Variants in EP300 observed in about 807,000 individuals in gnomAD.
The protein encoded by EP300 is histone acetyltransferase p300.
In EP300, 31 loss-of-function variants were observed where a neutral mutation model predicts 264.0. The ratio of observed to expected loss-of-function variants is 0.12; its 90% CI spans 0.09 to 0.16. The LOEUF (loss-of-function observed/expected upper bound fraction) is 0.16. EP300 is among the 10% of genes least tolerant of loss of function. EP300 has a pLI of 1.00. For synonymous variants in EP300, 1,340 were observed against 1,045.4 expected, an observed-to-expected ratio of 1.28 and a Z score of -5.44; for missense variants, 2,766 against 3,052.9, an observed-to-expected ratio of 0.91 and a Z score of 2.21.
At chr22:41,139,293 A>T (rs1157630960) in intron 8 of EP300, among the ~76,000 whole-genome samples, 1 of 152,214 alleles carries the variant, frequency 6.6e-6, no homozygotes, top group East Asian at 1.9e-4. Context: ...ACGGAATTTG[A>T]CAAGGAAAGA....
intron 4 of EP300, among the ~76,000 whole-genome samples, chr22:41,128,409 C>T (rs896412265): frequency 4.6e-5 from 7 of 151,242 alleles, no homozygotes; most frequent in Non-Finnish European, 7.4e-5. Flanking sequence ...TGGTGTGATT[C>T]GACATCATAC....
chr22:41,157,526 T>TC, intron 18 of EP300, 118 bp downstream of exon 18: 1 of 1,309,758 alleles, frequency 7.6e-7, no homozygotes, highest in Non-Finnish European at 1.1e-6. Context: ...TTTTTTTTTT[T>TC]TTTTTTTTCC....
chr22:41,166,763 A>C (rs904558979), intron 23 of EP300, 97 bp downstream of exon 23: 2 of 736,204 alleles, frequency 2.7e-6, no homozygotes, highest in African/African-American at 3.6e-5. Flanking sequence ...AATCACAGTA[A>C]TAGAGTAAAA....
At chr22:41,129,661 G>A (rs2058905233) in intron 4 of EP300, among the ~76,000 whole-genome samples, 1 of 152,172 alleles carries the variant, frequency 6.6e-6, no homozygotes. Flanking sequence ...ACTGCTTGAG[G>A]TTGAATCTCA....
intron 20 of EP300, among the ~76,000 whole-genome samples, chr22:41,162,175 A>G (rs1208294059): frequency 6.6e-6 from 1 of 152,222 alleles, no homozygotes; most frequent in Non-Finnish European, 1.5e-5. Context: ...AAGACAGGCC[A>G]TTCAGGAAAA....
intron 25 of EP300, 171 bp from the exon 26 acceptor site, chr22:41,169,332 C>T: frequency 1.6e-6 from 1 of 634,668 alleles, no homozygotes; most frequent in Non-Finnish European, 2.8e-6. Context: ...CACTGAACTT[C>T]CCTGAAGGGT....
chr22:41,113,661 C>T (rs2058806105), intron 1 of EP300, among the ~76,000 whole-genome samples: 2 of 152,304 alleles, frequency 1.3e-5, no homozygotes, highest in South Asian at 2.1e-4. Context: ...ATTCTCCTGC[C>T]TCAGCCTCCT....
chr22:41,147,254 C>T (rs190680275), intron 11 of EP300, among the ~76,000 whole-genome samples: 3 of 148,156 alleles, frequency 2.0e-5, no homozygotes, highest in East Asian at 4.0e-4. Flanking sequence ...TGCAGTGAGG[C>T]GAGATCGCGC....
At chr22:41,137,512 C>A in intron 7 of EP300, 141 bp from the exon 8 acceptor site, 1 of 1,110,822 alleles carries the variant, frequency 9.0e-7, no homozygotes, top group Non-Finnish European at 1.3e-6. Context: ...TAGTCACACA[C>A]TTCTCCCTGC....
intron 4 of EP300, among the ~76,000 whole-genome samples, chr22:41,129,500 A>G (rs2058904057): frequency 6.6e-6 from 1 of 152,236 alleles, no homozygotes; most frequent in South Asian, 2.1e-4. Context: ...AATTTACTGC[A>G]GTCATTTTTA....
At chr22:41,094,684 C>T (rs2058692471) in intron 1 of EP300, among the ~76,000 whole-genome samples, 2 of 152,148 alleles carry the variant, frequency 1.3e-5, no homozygotes, top group African/African-American at 4.8e-5. Context: ...GAGACTTAAT[C>T]ACCTGTAGAT....
At chr22:41,140,955 AAACT>A (rs1424049185) in intron 9 of EP300, 89 bp from the exon 10 acceptor site, 15 of 1,229,922 alleles carry the variant, frequency 1.2e-5, no homozygotes, top group Non-Finnish European at 1.6e-5. Context: ...ATATAAAATG[AAACT>A]AATATCTATT....
At chr22:41,123,768 T>A (rs2058865339) in intron 2 of EP300, among the ~76,000 whole-genome samples, 1 of 151,748 alleles carries the variant, frequency 6.6e-6, no homozygotes, top group Non-Finnish European at 1.5e-5. Flanking sequence ...TTGTTTGGGA[T>A]ATAAAGTTGA....
At chr22:41,132,703 G>C (rs374107432) in intron 6 of EP300, among the ~76,000 whole-genome samples, 6 of 152,256 alleles carry the variant, frequency 3.9e-5, no homozygotes, top group African/African-American at 1.4e-4. Context: ...AGAAATGAGT[G>C]TAGTTGGTAA....
chr22:41,114,466 A>G (rs2058810681), intron 1 of EP300, among the ~76,000 whole-genome samples: 1 of 152,206 alleles, frequency 6.6e-6, no homozygotes, highest in Non-Finnish European at 1.5e-5. Flanking sequence ...TTGTGAGCCA[A>G]AGTGCTCAGC....
intron 18 of EP300, 47 bp downstream of exon 18, chr22:41,157,455 A>T: frequency 6.3e-7 from 1 of 1,581,050 alleles, no homozygotes; most frequent in Non-Finnish European, 8.6e-7. Flanking sequence ...TGGGATACCT[A>T]GAATAATATA....
chr22:41,166,578 A>G (rs377351458), intron 22 of EP300, 21 bp from the exon 23 acceptor site: 2 of 1,607,182 alleles, frequency 1.2e-6, no homozygotes, highest in South Asian at 1.1e-5. Context: ...TTGTGTAAGC[A>G]AAGTTTTGGT....
intron 1 of EP300, among the ~76,000 whole-genome samples, chr22:41,095,475 A>C (rs575688968): frequency 6.6e-6 from 1 of 151,538 alleles, no homozygotes; most frequent in African/African-American, 2.4e-5. Context: ...CAAGTGATCC[A>C]CCCACCTTGG....
chr22:41,176,205 G>C (rs2145511769), intron 29 of EP300, 42 bp from the exon 30 acceptor site: 1 of 1,612,096 alleles, frequency 6.2e-7, no homozygotes, highest in Non-Finnish European at 8.5e-7. Flanking sequence ...GGATGACAGA[G>C]CGAGGCCCTG....
Sources: gnomAD v4.1 joint callset for allele counts (sites outside exome capture counted in the v4.1 genomes callset) on GRCh38, gnomAD v4.1.1 for gene constraint, MANE v1.5 for transcripts, NCBI Gene and HGNC (gene_info 2026-07-23, HGNC 2026-07-21) for gene names.